The following MAP3K15 variants were observed in gnomAD, a reference collection of about 807,000 sequenced individuals.
MAP3K15 encodes the protein mitogen-activated protein kinase kinase kinase 15.
Under a neutral mutation model 99.5 loss-of-function variants are expected in MAP3K15, and 124 were observed. The observed-to-expected ratio is 1.25, with a 90% CI of 1.08 to 1.45. The LOEUF (loss-of-function observed/expected upper bound fraction) is 1.45. Ranked by LOEUF, MAP3K15 falls within the 40% of genes most tolerant of loss-of-function variation. The pLI is 0.00. For synonymous variants in MAP3K15, 494 were observed against 439.6 expected, an observed-to-expected ratio of 1.12 and a Z score of -1.55; for missense variants, 1,242 against 1,079.7, an observed-to-expected ratio of 1.15 and a Z score of -2.11.
chrX:19,466,006 T>C (rs770732368), intron 3 of MAP3K15, among the ~76,000 whole-genome samples: 41 of 110,047 alleles, frequency 3.7e-4, no homozygotes, highest in African/African-American at 1.1e-3. Flanking sequence ...CAGGCTGCAG[T>C]GCGGTGGCAC....
intron 6 of MAP3K15, among the ~76,000 whole-genome samples, chrX:19,442,205 G>A (rs1180881004): frequency 9.0e-6 from 1 of 111,413 alleles, no homozygotes; most frequent in African/African-American, 3.3e-5. Context: ...CACTGACCCT[G>A]ACCTAGCCCA....
At position 19,470,166 on chromosome X, in the gene MAP3K15, G is replaced by A. The variant is rs192851483; in HGVS notation, c.526-5760C>T. 6.7e-3 allele frequency among the ~76,000 whole-genome samples: 751 copies of A among 111,736 alleles called. 12 individuals are homozygous for A. Among genetic ancestry groups the A allele is most frequent in the African/African-American group, 0.023 (703 of 30,669 alleles). On this transcript the variant is annotated intron_variant, in intron 3 of 28. Transcript: ENST00000338883. Reference sequence around the variant, plus strand: ...GGAACCAAGCCAAATGTCCAACAACGATAGACTGGACTAAGAAAATGTGGC... The same window carrying A: ...GGAACCAAGCCAAATGTCCAACAACAATAGACTGGACTAAGAAAATGTGGC...
At chrX:19,384,749 G>GGAAAA (rs1555943906) in intron 18 of MAP3K15, among the ~76,000 whole-genome samples, 3 of 22,556 alleles carry the variant, frequency 1.3e-4, no homozygotes, top group African/African-American at 5.7e-4. Context: ...TGTCTCAGGG[G>GGAAAA]AAAAAAAAAA....
chrX:19,374,888 T>C (rs2063406487), intron 19 of MAP3K15, among the ~76,000 whole-genome samples: 1 of 111,346 alleles, frequency 9.0e-6, no homozygotes, highest in African/African-American at 3.3e-5. Flanking sequence ...AGAAGTGACA[T>C]GGTGAGAGTT....
intron 3 of MAP3K15, among the ~76,000 whole-genome samples, chrX:19,479,442 C>A (rs145922392): frequency 9.0e-6 from 1 of 111,541 alleles, no homozygotes; most frequent in Non-Finnish European, 1.9e-5. Flanking sequence ...ATGTCTCCCT[C>A]TGGCCAGTCC....
chrX:19,450,501 TC>T (rs1669783107), intron 6 of MAP3K15, among the ~76,000 whole-genome samples: 2 of 110,584 alleles, frequency 1.8e-5, no homozygotes, highest in African/African-American at 6.5e-5. Flanking sequence ...TTCATTTGAA[TC>T]AAACAAATTC....
intron 3 of MAP3K15, among the ~76,000 whole-genome samples, chrX:19,484,335 G>A (rs948841901): frequency 2.7e-5 from 3 of 111,784 alleles, no homozygotes; most frequent in African/African-American, 9.8e-5. Flanking sequence ...TCTAATGCCT[G>A]ATAATCTGAG....
In MAP3K15 at chrX:19,380,281, T is replaced by C; in HGVS notation, c.2432-4A>G. On this transcript the variant is annotated splice_polypyrimidine_tract_variant and splice_region_variant and intron_variant, in intron 18 of 28. Transcript: ENST00000338883. ...GGTGCCATGTACTGCAGGGTGCCTATTTGGAAAACAAACAAACAGGCTGTG... is the reference window on the plus strand; with the variant it reads ...GGTGCCATGTACTGCAGGGTGCCTACTTGGAAAACAAACAAACAGGCTGTG... 8.3e-7 allele frequency: 1 copy of C among 1,208,469 alleles called. No individual in the cohort carries two copies. The highest frequency in any genetic ancestry group is 2.2e-5 in the Admixed American group (1 of 45,655).
intron 11 of MAP3K15, among the ~76,000 whole-genome samples, chrX:19,410,495 C>A (rs2063679191): frequency 1.8e-5 from 2 of 112,152 alleles, no homozygotes; most frequent in Non-Finnish European, 3.8e-5. Flanking sequence ...GAATGCTGTG[C>A]ATCACCTGCA....
chrX:19,420,588 G>A (rs1456736928), intron 9 of MAP3K15, among the ~76,000 whole-genome samples: 1 of 111,517 alleles, frequency 9.0e-6, no homozygotes, highest in Non-Finnish European at 1.9e-5. Flanking sequence ...ATTCACAGCC[G>A]AATTCTACCA....
intron 12 of MAP3K15, among the ~76,000 whole-genome samples, chrX:19,408,822 G>A (rs937220791): frequency 9.0e-5 from 10 of 111,399 alleles, no homozygotes; most frequent in Non-Finnish European, 1.7e-4. Flanking sequence ...GGCCTTTCTT[G>A]AGCTACAGTG....
chrX:19,505,462 T>G (rs751938835), intron 1 of MAP3K15, among the ~76,000 whole-genome samples: 15 of 112,233 alleles, frequency 1.3e-4, no homozygotes, highest in African/African-American at 4.9e-4. Context: ...AAGTGGATAT[T>G]CCTCCTCTGC....
chrX:19,368,735 C>T (rs1265041612), intron 25 of MAP3K15, among the ~76,000 whole-genome samples: 6 of 111,351 alleles, frequency 5.4e-5, no homozygotes, highest in South Asian at 3.8e-4. Context: ...CCAGGGGCCC[C>T]GTCTTGGTGA....
chrX:19,402,009 C>T (rs757838649), intron 13 of MAP3K15, among the ~76,000 whole-genome samples: 2 of 111,954 alleles, frequency 1.8e-5, no homozygotes, highest in Non-Finnish European at 3.8e-5. Context: ...CGGTATCAGC[C>T]AGGTGTAGTG....
Position 19,460,053 on chromosome X carries a change from T to G in MAP3K15, c.820A>C (p.Met274Leu). 1 of 1,196,172 alleles carries G rather than the reference T, an allele frequency of 8.4e-7. No homozygotes were observed. The highest frequency in any genetic ancestry group is 3.0e-5 in the East Asian group (1 of 33,719). Residue 274 changes from methionine (M) to leucine (L), a missense_variant, in exon 5 of 29, where the codon ATG (methionine) becomes CTG (leucine). By Grantham distance (15) the Met-to-Leu change is conservative (BLOSUM62 2). Transcript: ENST00000338883. ...GAGGTCAGAACCTCAGTATTATCCA[T>G]GCGGAGCTTGATCCGAGCTAGCTCC... ...AKELARIKLR[M>L]DNTEVLTSDI...
At chrX:19,447,412 G>C (rs1443462843) in intron 6 of MAP3K15, among the ~76,000 whole-genome samples, 228 of 111,765 alleles carry the variant, frequency 2.0e-3, no homozygotes, top group Non-Finnish European at 3.7e-3. Flanking sequence ...AATAAGAGCT[G>C]TGATATACTA....
chrX:19,361,111 C>A (rs923765752), intron 28 of MAP3K15: 4 of 422,109 alleles, frequency 9.5e-6, no homozygotes, highest in Non-Finnish European at 1.6e-5. Context: ...TCCACCCACT[C>A]CCAGCCAGGC....
chrX:19,510,113 A>T (rs956646467), intron 1 of MAP3K15, among the ~76,000 whole-genome samples: 2 of 112,043 alleles, frequency 1.8e-5, no homozygotes, highest in African/African-American at 3.2e-5. Context: ...CCTACCAACT[A>T]AAAAAATCCT....
chrX:19,375,693 TG>T (rs1220629865), intron 19 of MAP3K15, among the ~76,000 whole-genome samples: 6 of 112,255 alleles, frequency 5.3e-5, no homozygotes, highest in African/African-American at 9.7e-5. Context: ...TCAGAGCTCC[TG>T]GGGGCTGGCT....
Sources: gnomAD v4.1 joint callset for allele counts (sites outside exome capture counted in the v4.1 genomes callset) on GRCh38, gnomAD v4.1.1 for gene constraint, MANE v1.5 for transcripts, NCBI Gene and HGNC (gene_info 2026-07-23, HGNC 2026-07-21) for gene names.